Variants in CSNK1G2 observed in about 807,000 individuals in gnomAD.
CSNK1G2 encodes casein kinase 1 gamma 2, also known as casein kinase I isoform gamma-2.
A neutral mutation model predicts 48.0 loss-of-function variants in CSNK1G2; 11 were observed. The observed-to-expected ratio is 0.23, with a 90% CI of 0.14 to 0.38. CSNK1G2 has a LOEUF of 0.38. Among genes scored for constraint, CSNK1G2 ranks in the 10% least tolerant of loss-of-function variants. The pLI is 1.00. For synonymous variants in CSNK1G2, 337 were observed against 254.1 expected (o/e 1.33, Z -3.10); for missense variants, 446 against 595.5 (o/e 0.75, Z 2.61).
In CSNK1G2 at chr19:1,978,545, C is replaced by T. The variant is rs760497412; in HGVS notation, c.298+34C>T. ...CGGCCCGCGGGTGGGGCGGGGGCTG[C>T]GCAGGGGCAGGGAGGGGGCTGCCGC... On this transcript the variant is annotated intron_variant, in intron 4 of 11. Transcript: ENST00000255641. The surrounding 1 kb of genome is among the most constrained non-coding windows in gnomAD (Gnocchi z 7.3). 4.5e-6 allele frequency: 7 copies of T among 1,566,714 alleles called. No homozygotes were observed. The highest frequency in any genetic ancestry group is 2.3e-5 in the South Asian group (2 of 86,276).
chr19:1,961,028 G>A (rs2015181477), intron 1 of CSNK1G2, among the ~76,000 whole-genome samples: 1 of 152,238 alleles, frequency 6.6e-6, no homozygotes, highest in Admixed American at 6.5e-5. Flanking sequence ...CGTGGGCAGA[G>A]GAGAGGCTTC....
chr19:1,974,869 C>G (rs2015699481), intron 2 of CSNK1G2: 1 of 157,620 alleles, frequency 6.3e-6, no homozygotes, highest in Non-Finnish European at 1.4e-5. Context: ...CCCGGAACCT[C>G]CTGAGCCTCT....
chr19:1,960,077 CCCCATGTAGGGT>C (rs1314114273), intron 1 of CSNK1G2, among the ~76,000 whole-genome samples: 1 of 152,208 alleles, frequency 6.6e-6, no homozygotes, highest in East Asian at 1.9e-4. Flanking sequence ...ACGTCCAGGG[CCCCATGTAGGGT>C]CCGGAGCTTC....
At position 1,951,882 on chromosome 19, in the gene CSNK1G2, G is replaced by A. The variant is rs867644693; in HGVS notation, c.-266+10464G>A. ...TTTTTAGTAGAGACGGGGTTTCACC[G>A]TGTTAGCGAAGATGGTCTCGATCTC... is the stretch of plus-strand genomic sequence containing the variant. On this transcript the variant is annotated intron_variant, in intron 1 of 11. Coordinates refer to ENST00000255641, the MANE Select transcript of CSNK1G2 (RefSeq NM_001319.7). Among the ~76,000 whole-genome samples the A allele has an allele frequency of 4.6e-5, 7 of 152,042 alleles. No individual in the cohort carries two copies. The South Asian group carries it at 6.2e-4, about 13-fold the overall frequency.
chr19:1,979,446 A>ACCCCCC, intron 8 of CSNK1G2, 43 bp downstream of exon 8: 15 of 381,576 alleles, frequency 3.9e-5, no homozygotes, highest in Non-Finnish European at 6.1e-5. Context: ...CCCACCCCCC[A>ACCCCCC]CCCCCCACCC....
At chr19:1,951,158 T>G (rs2014747988) in intron 1 of CSNK1G2, among the ~76,000 whole-genome samples, 1 of 145,156 alleles carries the variant, frequency 6.9e-6, no homozygotes, top group African/African-American at 2.7e-5. Context: ...TCCCAGCACT[T>G]TGGGAGGCCG....
rs1043846045 is a variant in CSNK1G2, at chr19:1,979,306, C to T, written c.769-13C>T. On this transcript the variant is annotated splice_polypyrimidine_tract_variant and intron_variant, in intron 7 of 11. Transcript: ENST00000255641. ...CGCAGGGCGGGAGCAAGGCTGACCACAGACCCCCGCAGGCCGACACGCTCA... is the reference window on the plus strand; with the variant it reads ...CGCAGGGCGGGAGCAAGGCTGACCATAGACCCCCGCAGGCCGACACGCTCA... 1 of 1,593,320 alleles carries T rather than the reference C, an allele frequency of 6.3e-7. No individual in the cohort carries two copies. The highest frequency in any genetic ancestry group is 1.3e-5 in the African/African-American group (1 of 74,764).
At chr19:1,975,412 A>G (rs2015718810) in intron 2 of CSNK1G2, 2 of 985,368 alleles carry the variant, frequency 2.0e-6, no homozygotes, top group Non-Finnish European at 2.4e-6. Context: ...AGGAAGAGCT[A>G]CACAGCCGTG....
intron 1 of CSNK1G2, among the ~76,000 whole-genome samples, chr19:1,947,536 G>A (rs1242873692): frequency 6.6e-6 from 1 of 152,222 alleles, no homozygotes; most frequent in African/African-American, 2.4e-5. Flanking sequence ...TTCCCAGGAC[G>A]GGAGCCTGAG....
Position 1,980,009 on chromosome 19 carries a change from T to C in CSNK1G2, c.1185T>C (p.Asp395=). Residue 395 remains aspartate, a synonymous_variant, in exon 11 of 12, where the codon GAT becomes GAC. Coordinates refer to ENST00000255641, the MANE Select transcript of CSNK1G2 (RefSeq NM_001319.7). ...CGCCTGCAGAGGTGGAGGTGGCCGA[T>C]GAAACCAAGTAAGGCTCTGGGGCGG... The part of the protein sequence containing the change: ...ITAPAEVEVA[D]ETKCCCFFKR... 1 of 1,577,966 alleles carries C rather than the reference T, an allele frequency of 6.3e-7. No individual in the cohort carries two copies. The highest frequency in any genetic ancestry group is 8.6e-7 in the Non-Finnish European group (1 of 1,161,524).
chr19:1,972,235 C>T (rs967086347), intron 2 of CSNK1G2, among the ~76,000 whole-genome samples: 2 of 152,230 alleles, frequency 1.3e-5, no homozygotes, highest in African/African-American at 4.8e-5. Context: ...AGCGCAGGGA[C>T]GCTTGGCTGT....
intron 2 of CSNK1G2, among the ~76,000 whole-genome samples, chr19:1,971,283 G>A (rs754298917): frequency 8.5e-5 from 13 of 152,306 alleles, no homozygotes; most frequent in Non-Finnish European, 1.8e-4. Context: ...GACCCCACCC[G>A]AACCAGATCC....
chr19:1,976,424 C>T (rs1484551369), intron 2 of CSNK1G2, among the ~76,000 whole-genome samples: 15 of 152,226 alleles, frequency 9.9e-5, no homozygotes, highest in Non-Finnish European at 1.5e-4. Flanking sequence ...GTTTAGGGAA[C>T]TTGACAAGCT....
In CSNK1G2 at chr19:1,957,994, G is replaced by A. The variant is rs552881597; in HGVS notation, c.-265-11514G>A. ...GTGCAGGGAGGGGTTGGAGGTGTGC[G>A]CTTGTCTTGTCCGGAAGCCGGGTGT... On this transcript the variant is annotated intron_variant, in intron 1 of 11. Transcript: ENST00000255641. This position sits in a 1 kb window ranked among gnomAD's most constrained non-coding sequence, Gnocchi z 5.4. Among the ~76,000 whole-genome samples the A allele has an allele frequency of 7.2e-5, 11 of 152,268 alleles. 1 individual carries two copies. In the South Asian group the frequency reaches 1.2e-3, roughly 17 times the overall value.
At chr19:1,975,104 C>T in intron 2 of CSNK1G2, 5 of 985,442 alleles carry the variant, frequency 5.1e-6, no homozygotes, top group Non-Finnish European at 6.0e-6. Flanking sequence ...AGGTTTCTTC[C>T]ACAGTGCAGA....
At chr19:1,946,122 A>G (rs2014546702) in intron 1 of CSNK1G2, among the ~76,000 whole-genome samples, 1 of 152,008 alleles carries the variant, frequency 6.6e-6, no homozygotes, top group South Asian at 2.1e-4. Context: ...GGTCACTCCC[A>G]TTCCATACCT....
Position 1,978,238 on chromosome 19 carries a change from G to T in CSNK1G2, c.188-67G>T. The T allele has an allele frequency of 3.2e-6, 5 of 1,560,006 alleles. No homozygotes were observed. Among genetic ancestry groups the T allele is most frequent in the Non-Finnish European group, 4.4e-6 (5 of 1,133,952 alleles). On this transcript the variant is annotated intron_variant, in intron 2 of 11. Transcript: ENST00000255641. The surrounding 1 kb of genome is among the most constrained non-coding windows in gnomAD (Gnocchi z 7.3). ...CCCCCTCCTGCCTCCTGCCTCGGGG[G>T]TGGGCTGGGGAGGTCGGGGCTAGGT...
At chr19:1,949,330 C>T (rs1343884317) in intron 1 of CSNK1G2, among the ~76,000 whole-genome samples, 1 of 152,228 alleles carries the variant, frequency 6.6e-6, no homozygotes, top group Non-Finnish European at 1.5e-5. Context: ...GCCCCTGGCA[C>T]CCCCATCCTA....
intron 2 of CSNK1G2, among the ~76,000 whole-genome samples, chr19:1,977,783 C>T (rs546134108): frequency 6.6e-6 from 1 of 151,300 alleles, no homozygotes; most frequent in South Asian, 2.1e-4. Flanking sequence ...TTCTGGGCCT[C>T]GTACCTTCTG....
Sources: gnomAD v4.1 joint callset for allele counts (sites outside exome capture counted in the v4.1 genomes callset) on GRCh38, gnomAD v4.1.1 for gene constraint, Gnocchi (gnomAD v3.1) non-coding constraint, MANE v1.5 for transcripts, NCBI Gene and HGNC (gene_info 2026-07-23, HGNC 2026-07-21) for gene names.